TUBGCP6: variants seen among roughly 807,000 people sequenced by gnomAD.
TUBGCP6 encodes tubulin gamma complex component 6.
In TUBGCP6, 161 loss-of-function variants were observed where a neutral mutation model predicts 175.8. The observed-to-expected ratio is 0.92, with a 90% confidence interval of 0.81 to 1.04. The LOEUF (loss-of-function observed/expected upper bound fraction) is 1.04, where lower values mean the gene tolerates loss of function less well. Among genes scored for constraint, TUBGCP6 ranks in the 50% least tolerant of loss-of-function variants. The probability of loss-of-function intolerance (pLI) is 0.00; values close to 1 mark genes in which losing one functional copy is unlikely to be tolerated. For missense variants in TUBGCP6, 2,572 were observed against 2,433.0 expected, an observed-to-expected ratio of 1.06 and a Z score of -1.20; for synonymous variants, 1,173 against 1,030.5, an observed-to-expected ratio of 1.14 and a Z score of -2.65.
intron 2 of TUBGCP6, among the ~76,000 whole-genome samples, chr22:50,235,966 G>T (rs1347080377): frequency 1.1e-4 from 16 of 151,316 alleles, no homozygotes; most frequent in African/African-American, 3.9e-4. Context: ...AAAGTGGAGT[G>T]AATGGGGAGC....
chr22:50,240,422 C>G, intron 1 of TUBGCP6, 55 bp from the exon 2 acceptor site: 1 of 1,597,360 alleles, frequency 6.3e-7, no homozygotes, highest in South Asian at 1.1e-5. Flanking sequence ...ACGTTTCATC[C>G]AAGGGCGATG....
chr22:50,241,983 C>CAAAAAAAAAAAAAAA (rs55647714), intron 1 of TUBGCP6, among the ~76,000 whole-genome samples: 2 of 92,794 alleles, frequency 2.2e-5, no homozygotes, highest in Non-Finnish European at 4.0e-5. Context: ...GACTCCATCT[C>CAAAAAAAAAAAAAAA]AAAAAAAAAA....
intron 3 of TUBGCP6, 143 bp from the exon 4 acceptor site, chr22:50,229,720 C>G: frequency 1.3e-6 from 1 of 745,370 alleles, no homozygotes; most frequent in African/African-American, 1.8e-5. Flanking sequence ...GAAGGCATAC[C>G]CAGAACTCCC....
Position 50,229,489 on chromosome 22 carries a change from T to A in TUBGCP6, c.1205A>T (p.Glu402Val), listed in dbSNP as rs754030871. The A allele has an allele frequency of 2.5e-6, 4 of 1,612,040 alleles. No homozygotes were observed. Among genetic ancestry groups the A allele is most frequent in the Non-Finnish European group, 3.4e-6 (4 of 1,179,368 alleles). Reference sequence around the variant, plus strand: ...CAGGCGCGTGTAGCAGGTCCCATACTCGGCCACTTCCGAGAGCAGGCTGCT... The same window carrying A: ...CAGGCGCGTGTAGCAGGTCCCATACACGGCCACTTCCGAGAGCAGGCTGCT... ...SISSLLSEVA[E>V]YGTCYTRLSH... The change falls in exon 4 of 25, where the codon GAG (glutamate) becomes GTG (valine). Residue 402 changes from glutamate (E) to valine (V), a missense_variant. Transcript: ENST00000248846.
In TUBGCP6 at chr22:50,233,542, A is replaced by C; in HGVS notation, c.906-16T>G. On this transcript the variant is annotated splice_polypyrimidine_tract_variant and intron_variant, in intron 2 of 24. Coordinates refer to ENST00000248846, the MANE Select transcript of TUBGCP6 (RefSeq NM_020461.4). ...GCCAGGGGGGCTGCGAGGGGTGCAG[A>C]AGAGAGGCCATGAGCAGACGTGGTG... The C allele has an allele frequency of 6.3e-7, 1 of 1,589,352 alleles. No homozygotes were observed. The highest frequency in any genetic ancestry group is 8.6e-7 in the Non-Finnish European group (1 of 1,167,142).
chr22:50,238,500 T>C (rs1312880986), intron 2 of TUBGCP6, among the ~76,000 whole-genome samples: 7 of 149,622 alleles, frequency 4.7e-5, no homozygotes, highest in Non-Finnish European at 5.9e-5. Flanking sequence ...TTAGCAGACA[T>C]GTACAGAATA....
At position 50,226,399 on chromosome 22, in the gene TUBGCP6, G is replaced by A. The variant is rs369221133; in HGVS notation, c.1602-21C>T. ...TGAACCTGCAGTGGGGGAAAAGCAG[G>A]GGTAGATGTGGTCAACGGAGAGGTG... On this transcript the variant is annotated intron_variant, in intron 7 of 24. Transcript: ENST00000248846. 4.4e-6 allele frequency: 7 copies of A among 1,582,822 alleles called. No individual in the cohort carries two copies. The African/African-American group carries it at 9.4e-5, about 21-fold the overall frequency.
Position 50,225,913 on chromosome 22 carries a change from G to A in TUBGCP6, c.1864C>T (p.Pro622Ser), listed in dbSNP as rs367866211. ...HYLCWSDVPV[P>S]RISVIFSLEE... ...AGGGAGAAAATCACCGAGATCCGGGGGACAGGGACGTCGGACCAACAGAGG... is the reference window on the plus strand; with the variant it reads ...AGGGAGAAAATCACCGAGATCCGGGAGACAGGGACGTCGGACCAACAGAGG... The change falls in exon 10 of 25, where the codon CCC (proline) becomes TCC (serine). Residue 622 changes from proline (P) to serine (S), a missense_variant. Transcript: ENST00000248846. 4 of 1,613,796 alleles carry A rather than the reference G, an allele frequency of 2.5e-6. No homozygotes were observed. Among genetic ancestry groups the A allele is most frequent in the Non-Finnish European group, 3.4e-6 (4 of 1,179,960 alleles).
rs2064824671 is a variant in TUBGCP6, at chr22:50,240,326, C to A, written c.783G>T (p.Gln261His). ...AATCAGGAGTCAAGTTGGACGCTGACTGGAATCCTTCGTCTTCCCACTGAT... is the reference window on the plus strand; with the variant it reads ...AATCAGGAGTCAAGTTGGACGCTGAATGGAATCCTTCGTCTTCCCACTGAT... ...SVDQWEDEGFQSASNLTPDSQ... is the reference protein window; with the variant it reads ...SVDQWEDEGFHSASNLTPDSQ... Residue 261 changes from glutamine (Q) to histidine (H), a missense_variant, in exon 2 of 25, where the codon CAG becomes CAT. Transcript: ENST00000248846. 2 of 1,613,766 alleles carry A rather than the reference C, an allele frequency of 1.2e-6. No homozygotes were observed. The highest frequency in any genetic ancestry group is 1.7e-6 in the Non-Finnish European group (2 of 1,179,982).
chr22:50,230,409 C>A (rs2064672697), intron 3 of TUBGCP6, among the ~76,000 whole-genome samples: 1 of 152,028 alleles, frequency 6.6e-6, no homozygotes, highest in Non-Finnish European at 1.5e-5. Flanking sequence ...GAGTTCATGA[C>A]AAGCCTGGCC....
Position 50,226,833 on chromosome 22 carries a change from G to C in TUBGCP6, c.1501C>G (p.Leu501Val). The C allele has an allele frequency of 6.3e-7, 1 of 1,579,970 alleles. No homozygotes were observed. The highest frequency in any genetic ancestry group is 8.6e-7 in the Non-Finnish European group (1 of 1,163,224). The part of the protein sequence containing the change: ...PRAAFPTGVK[L>V]LSYLYQEALH... ...GCCTCCTGGTAGAGGTAGGACAGCA[G>C]CTTCACGCCCTGCAGACCGCAAAGG... Residue 501 changes from leucine (L) to valine (V), a missense_variant, in exon 7 of 25, where the codon CTG (leucine) becomes GTG (valine). Transcript: ENST00000248846.
intron 4 of TUBGCP6, among the ~76,000 whole-genome samples, chr22:50,228,591 G>C (rs1166523060): frequency 6.6e-6 from 1 of 152,092 alleles, no homozygotes; most frequent in Non-Finnish European, 1.5e-5. Flanking sequence ...ATGCCTGCCA[G>C]ATGAACAAGA....
Position 50,219,113 on chromosome 22 carries a change from C to G in TUBGCP6, c.4581G>C (p.Glu1527Asp). ...TGAGGGACTGGGCGAACTCGCCGTC[C>G]TCCATCAGCAGGAAGTGCCGCAGTG... ...YEALRHFLLMEDGEFAQSLSD... is the reference protein window; with the variant it reads ...YEALRHFLLMDDGEFAQSLSD... Residue 1527 changes from glutamate (E) to aspartate (D), a missense_variant, in exon 20 of 25, where the codon GAG becomes GAC. Physicochemically the swap from Glu to Asp is conservative, Grantham distance 45 (BLOSUM62 2). Transcript: ENST00000248846. 1 of 1,613,174 alleles carries G rather than the reference C, an allele frequency of 6.2e-7. No individual in the cohort carries two copies. Among genetic ancestry groups the G allele is most frequent in the African/African-American group, 1.3e-5 (1 of 75,066 alleles).
At chr22:50,238,137 A>AAGAGAG (rs146778199) in intron 2 of TUBGCP6, among the ~76,000 whole-genome samples, 4 of 149,594 alleles carry the variant, frequency 2.7e-5, no homozygotes, top group East Asian at 2.0e-4. Context: ...AGAAAAAGAA[A>AAGAGAG]AGAGAGAGAG....
At position 50,243,941 on chromosome 22, in the gene TUBGCP6, G is replaced by T. The variant is rs760622076; in HGVS notation, c.519C>A (p.Ser173Arg). 22 of 1,614,020 alleles carry T rather than the reference G, an allele frequency of 1.4e-5. No individual in the cohort carries two copies. The East Asian group carries it at 4.7e-4, about 34-fold the overall frequency. The change falls in exon 1 of 25, where the codon AGC becomes AGA. Residue 173 changes from serine (S) to arginine (R), a missense_variant. Ser to Arg is a moderately radical substitution (Grantham distance 110). Transcript: ENST00000248846. ...TAACCTGAAGTGTTTCCTGGATCAT[G>T]CTGTGACACAAACACTCTTCTCTGG... ...LISREECLCH[S>R]MIQETLQVME...
At position 50,221,139 on chromosome 22, in the gene TUBGCP6, G is replaced by A; in HGVS notation, c.3220C>T (p.Gln1074Ter). The stretch of plus-strand genomic sequence containing the variant: ...TGTCCGTGGGTGTTCCACCGTGGCT[G>A]GGTGGGAGCCACATCTGACACATTC... The part of the protein sequence containing the change: ...GENVSDVAPT[Q>*]PRWNTHGHVS... Residue 1074 changes from glutamine (Q) to a stop codon, truncating the protein, a stop_gained, in exon 16 of 25, where the codon CAG (glutamine) becomes TAG (stop). Transcript: ENST00000248846. LOFTEE classifies it high-confidence loss of function. 1.2e-6 allele frequency: 2 copies of A among 1,605,574 alleles called. No individual in the cohort carries two copies. Among genetic ancestry groups the A allele is most frequent in the Non-Finnish European group, 1.7e-6 (2 of 1,173,976 alleles).
chr22:50,226,427 T>A, intron 7 of TUBGCP6, 49 bp from the exon 8 acceptor site: 1 of 1,518,868 alleles, frequency 6.6e-7, no homozygotes. Context: ...GAGAGGTGGG[T>A]GGGGCGTGGC....
chr22:50,230,014 G>A (rs2064668394), intron 3 of TUBGCP6, among the ~76,000 whole-genome samples: 2 of 152,102 alleles, frequency 1.3e-5, no homozygotes, highest in African/African-American at 4.8e-5. Context: ...ACCCCCAATA[G>A]AGGGCTCATG....
In TUBGCP6 at chr22:50,219,099, G is replaced by A; in HGVS notation, c.4595C>T (p.Ala1532Val). 6.2e-7 allele frequency: 1 copy of A among 1,612,818 alleles called. No individual in the cohort carries two copies. The highest frequency in any genetic ancestry group is 8.5e-7 in the Non-Finnish European group (1 of 1,179,966). ...AAAGAGCAGGTCGCTGAGGGACTGG[G>A]CGAACTCGCCGTCCTCCATCAGCAG... ...HFLLMEDGEF[A>V]QSLSDLLFEK... Residue 1532 changes from alanine to valine, a missense_variant, in exon 20 of 25, where the codon GCC (alanine) becomes GTC (valine). Coordinates refer to ENST00000248846, the MANE Select transcript of TUBGCP6 (RefSeq NM_020461.4).
Sources: allele counts gnomAD v4.1 joint callset (sites outside exome capture counted in the v4.1 genomes callset), GRCh38; gene constraint gnomAD v4.1.1; transcripts MANE v1.5; gene names NCBI Gene and HGNC (gene_info 2026-07-23, HGNC 2026-07-21).